Variants in MOV10 observed in about 807,000 individuals in gnomAD.
MOV10 encodes RNA helicase MOV-10.
MOV10 carries 39 observed loss-of-function variants against 108.4 expected under a neutral mutation model. The ratio of observed to expected loss-of-function variants is 0.36; its 90% CI spans 0.28 to 0.47. MOV10 has a LOEUF of 0.47. MOV10 is among the 20% of genes least tolerant of loss of function. The probability of loss-of-function intolerance (pLI) is 1.00; values close to 1 mark genes in which losing one functional copy is unlikely to be tolerated. For missense variants in MOV10, 952 were observed against 1,297.6 expected (o/e 0.73, Z 4.09); for synonymous variants, 490 against 523.1 (o/e 0.94, Z 0.86).
chr1:112,694,678 A>G lies in MOV10; in HGVS notation c.1472+49A>G, dbSNP rs754720933. On this transcript the variant is annotated intron_variant, in intron 9 of 20. Transcript: ENST00000369645. The surrounding 1 kb of genome is among the most constrained non-coding windows in gnomAD (Gnocchi z 4.1). Reference sequence around the variant, plus strand: ...CTGGAGCCACTTGGAGTGTGGGCACAGGGGGTGGAGTCAGGGAGGCCTCTG... The same window carrying G: ...CTGGAGCCACTTGGAGTGTGGGCACGGGGGGTGGAGTCAGGGAGGCCTCTG... The G allele has an allele frequency of 1.3e-6, 2 of 1,593,162 alleles. No homozygotes were observed. The highest frequency in any genetic ancestry group is 4.5e-5 in the East Asian group (2 of 44,654).
In MOV10 at chr1:112,696,485, C is replaced by T. The variant is rs770544212; in HGVS notation, c.1932C>T (p.Ile644=). ...FPIDHFTHIF[I]DEAGHCMEPE... ...TTGATCACTTCACACACATCTTCAT[C>T]GATGAGGCTGGCCACTGCATGGAGC... Residue 644 remains isoleucine, a synonymous_variant, in exon 13 of 21, where the codon ATC becomes ATT. Coordinates refer to ENST00000369645, the MANE Select transcript of MOV10 (RefSeq NM_001321324.2). The T allele has an allele frequency of 4.3e-6, 7 of 1,613,986 alleles. No individual in the cohort carries two copies. Among genetic ancestry groups the T allele is most frequent in the Non-Finnish European group, 5.1e-6 (6 of 1,180,004 alleles).
chr1:112,695,333 C>G, intron 10 of MOV10, 83 bp from the exon 11 acceptor site: 1 of 1,403,798 alleles, frequency 7.1e-7, no homozygotes, highest in Non-Finnish European at 9.9e-7. Flanking sequence ...ACATTTCAGT[C>G]ATCATAGACT....
chr1:112,689,377 T>TGCCCCCCCCCC, intron 3 of MOV10, 38 bp from the exon 4 acceptor site: 1 of 792,710 alleles, frequency 1.3e-6, no homozygotes, highest in Non-Finnish European at 2.2e-6. Flanking sequence ...GTCAGACCGC[T>TGCCCCCCCCCC]CCCACCCCAA....
intron 2 of MOV10, among the ~76,000 whole-genome samples, chr1:112,684,015 A>G (rs919024443): frequency 3.9e-5 from 6 of 152,132 alleles, no homozygotes; most frequent in African/African-American, 1.2e-4. Flanking sequence ...CAGATCTGCA[A>G]TCATAGCTCT....
Position 112,699,880 on chromosome 1 carries a change from C to G in MOV10, c.2710-14C>G. The G allele has an allele frequency of 6.2e-7, 1 of 1,614,112 alleles. No individual in the cohort carries two copies. Among genetic ancestry groups the G allele is most frequent in the Non-Finnish European group, 8.5e-7 (1 of 1,180,000 alleles). On this transcript the variant is annotated splice_polypyrimidine_tract_variant and intron_variant, in intron 18 of 20. Coordinates refer to ENST00000369645, the MANE Select transcript of MOV10 (RefSeq NM_001321324.2). The stretch of plus-strand genomic sequence containing the variant: ...GCTCTTCCCTCCCATGACCACACCA[C>G]TTCTTCCTTCCAGAGGTTCAATGTA...
chr1:112,695,721 TTGTC>T, intron 11 of MOV10, 147 bp downstream of exon 11: 1 of 654,468 alleles, frequency 1.5e-6, no homozygotes, highest in Non-Finnish European at 2.3e-6. Context: ...GGGCCTCAGT[TTGTC>T]TGTAAGTGAG....
intron 2 of MOV10, among the ~76,000 whole-genome samples, chr1:112,687,912 C>T (rs1673207205): frequency 6.6e-6 from 1 of 152,160 alleles, no homozygotes; most frequent in Admixed American, 6.5e-5. Context: ...CTCTGCCCCT[C>T]CCTGCACATG....
Position 112,694,209 on chromosome 1 carries a change from C to T in MOV10, c.1295+37C>T, listed in dbSNP as rs534598660. 813 of 1,612,142 alleles carry T rather than the reference C, an allele frequency of 5.0e-4. 9 individuals are homozygous for T. The South Asian group carries it at 8.4e-3, about 17-fold the overall frequency. ...GGGAACCCTGAGCTGCTGGAAGGGT[C>T]TACAGACTTCTGACCCCAGGGGAGG... On this transcript the variant is annotated intron_variant, in intron 8 of 20. Transcript: ENST00000369645. This position sits in a 1 kb window ranked among gnomAD's most constrained non-coding sequence, Gnocchi z 4.1.
intron 7 of MOV10, chr1:112,693,666 GT>G (rs56664526): frequency 0.028 from 3,828 of 137,116 alleles, 82 homozygotes; most frequent in East Asian, 0.088. Flanking sequence ...TGCCTGGTCC[GT>G]TTTTTTTTTT....
At chr1:112,697,912 G>A (rs1674254892) in intron 14 of MOV10, 82 bp from the exon 15 acceptor site, 2 of 1,146,594 alleles carry the variant, frequency 1.7e-6, no homozygotes, top group East Asian at 2.3e-5. Flanking sequence ...TTGTGTGTGG[G>A]CCCAGAGTGG....
intron 18 of MOV10, 21 bp from the exon 19 acceptor site, chr1:112,699,873 C>A (rs1474858545): frequency 6.2e-7 from 1 of 1,613,934 alleles, no homozygotes; most frequent in Non-Finnish European, 8.5e-7. Context: ...CTCCCATGAC[C>A]ACACCACTTC....
At position 112,696,727 on chromosome 1, in the gene MOV10, C is replaced by T; in HGVS notation, c.2079C>T (p.Thr693=). The T allele has an allele frequency of 6.2e-7, 1 of 1,606,790 alleles. No individual in the cohort carries two copies. ...GGCCTGTGCTGCGTTCCCCACTGACCCAGAAGCATGGACTGGGATACTCAC... is the reference window on the plus strand; with the variant it reads ...GGCCTGTGCTGCGTTCCCCACTGACTCAGAAGCATGGACTGGGATACTCAC... ...QLGPVLRSPL[T]QKHGLGYSLL... The change falls in exon 14 of 21, where the codon ACC becomes ACT. Residue 693 remains threonine, a synonymous_variant. Transcript: ENST00000369645.
rs1228921557 is a variant in MOV10 at position 112,677,369 on chromosome 1, G to T, written c.137+2320G>T. ...CCCCGCTCTGTACCCTCATCATGTT[G>T]GGGAAATGTATGTTCAGATTAAAGA... On this transcript the variant is annotated intron_variant, in intron 2 of 20. Coordinates refer to ENST00000369645, the MANE Select transcript of MOV10 (RefSeq NM_001321324.2). 2.0e-3 allele frequency among the ~76,000 whole-genome samples: 302 copies of T among 151,864 alleles called. 1 individual carries two copies. The highest frequency in any genetic ancestry group is 6.3e-3 in the African/African-American group (259 of 41,182).
rs1206100332 is a variant in MOV10 at position 112,695,526 on chromosome 1, C to T, written c.1731C>T (p.Arg577=). The T allele has an allele frequency of 5.6e-6, 9 of 1,614,086 alleles. No individual in the cohort carries two copies. Among genetic ancestry groups the T allele is most frequent in the Non-Finnish European group, 7.6e-6 (9 of 1,180,048 alleles). ...LRVHLPSSIY[R]LLAPSRDIRM... ...TCCACCTTCCTAGCTCCATCTACCG[C>T]CTCCTGGCCCCCAGCAGGGACATCC... The change falls in exon 11 of 21, where the codon CGC becomes CGT. Residue 577 remains arginine, a synonymous_variant. Coordinates refer to ENST00000369645, the MANE Select transcript of MOV10 (RefSeq NM_001321324.2).
Position 112,698,967 on chromosome 1 carries a change from G to T in MOV10, c.2583+178G>T, listed in dbSNP as rs142814252. 19 of 628,182 alleles carry T rather than the reference G, an allele frequency of 3.0e-5. No homozygotes were observed. The African/African-American group carries it at 3.3e-4, about 11-fold the overall frequency. The allele number at this position is 628,182 out of a possible 1,614,324, so 38.9% of individuals were successfully genotyped here. On this transcript the variant is annotated intron_variant, in intron 17 of 20. Coordinates refer to ENST00000369645, the MANE Select transcript of MOV10 (RefSeq NM_001321324.2). ...TGGAGATTCCAACTTAAGGGTCTGG[G>T]ATGGGATCAGGAAGCCTGCATGTTT... is the stretch of plus-strand genomic sequence containing the variant.
intron 5 of MOV10, among the ~76,000 whole-genome samples, chr1:112,690,310 T>C (rs985806077): frequency 1.3e-5 from 2 of 152,266 alleles, no homozygotes; most frequent in African/African-American, 4.8e-5. Context: ...GCATTGTCCC[T>C]GTGTGATGCA....
At position 112,685,404 on chromosome 1, in the gene MOV10, C is replaced by T. The variant is rs1570767507; in HGVS notation, c.138-3531C>T. ...GGGCACGGTGGCTCACACCTGTAATCCCAGCACTTTGGGAGGCCGAGGCGG... is the reference window on the plus strand; with the variant it reads ...GGGCACGGTGGCTCACACCTGTAATTCCAGCACTTTGGGAGGCCGAGGCGG... On this transcript the variant is annotated intron_variant, in intron 2 of 20. Coordinates refer to ENST00000369645, the MANE Select transcript of MOV10 (RefSeq NM_001321324.2). 2.6e-5 allele frequency among the ~76,000 whole-genome samples: 4 copies of T among 151,868 alleles called. No homozygotes were observed. In the South Asian group the frequency reaches 8.3e-4, roughly 31 times the overall value.
rs755935089 is a variant in MOV10, at chr1:112,700,514, A to G, written c.*7A>G. ...GTGGAGGAATGAGCTCTGAAGACAC[A>G]GCACCCAGCCTTCTCGCACCAGCCA... On this transcript the variant is annotated 3_prime_UTR_variant, in exon 21 of 21. Coordinates refer to ENST00000369645, the MANE Select transcript of MOV10 (RefSeq NM_001321324.2). 1 of 1,612,344 alleles carries G rather than the reference A, an allele frequency of 6.2e-7. No homozygotes were observed. Among genetic ancestry groups the G allele is most frequent in the Non-Finnish European group, 8.5e-7 (1 of 1,179,064 alleles).
At chr1:112,685,868 G>A (rs114950201) in intron 2 of MOV10, among the ~76,000 whole-genome samples, 1,610 of 152,274 alleles carry the variant, frequency 0.011, 36 homozygotes, top group African/African-American at 0.036. Context: ...GAAATATTTA[G>A]GGATAGCATC....
Sources: gnomAD v4.1 joint callset for allele counts (sites outside exome capture counted in the v4.1 genomes callset) on GRCh38, gnomAD v4.1.1 for gene constraint, Gnocchi (gnomAD v3.1) non-coding constraint, MANE v1.5 for transcripts, NCBI Gene and HGNC (gene_info 2026-07-23, HGNC 2026-07-21) for gene names.